TEAD1: variants seen among roughly 807,000 people sequenced by gnomAD.
TEAD1 encodes the protein TEA domain transcription factor 1.
In TEAD1, 9 loss-of-function variants were observed where a neutral mutation model predicts 54.9. That is an observed-to-expected ratio of 0.16 (90% CI 0.10 to 0.29). The LOEUF (loss-of-function observed/expected upper bound fraction) is 0.29. TEAD1 is among the 10% of genes least tolerant of loss of function. The probability of loss-of-function intolerance (pLI) is 1.00; values close to 1 mark genes in which losing one functional copy is unlikely to be tolerated. For missense variants in TEAD1, 387 were observed against 535.9 expected, an observed-to-expected ratio of 0.72 and a Z score of 2.74; for synonymous variants, 200 against 187.8, an observed-to-expected ratio of 1.07 and a Z score of -0.53.
chr11:12,786,456 C>T (rs941951888), intron 3 of TEAD1, among the ~76,000 whole-genome samples: 3 of 152,092 alleles, frequency 2.0e-5, no homozygotes, highest in African/African-American at 4.8e-5. Flanking sequence ...GTAGGATTGC[C>T]GGACCTGGCA....
At chr11:12,753,819 G>T (rs1280270765) in intron 2 of TEAD1, among the ~76,000 whole-genome samples, 2 of 152,132 alleles carry the variant, frequency 1.3e-5, no homozygotes, top group Non-Finnish European at 2.9e-5. Flanking sequence ...ACTACTTTAT[G>T]GCCATGTAGG....
chr11:12,876,407 A>G (rs1175767801), intron 5 of TEAD1, among the ~76,000 whole-genome samples: 1 of 152,124 alleles, frequency 6.6e-6, no homozygotes, highest in South Asian at 2.1e-4. Flanking sequence ...GAGTCACCCC[A>G]CCCAAGTGTG....
At position 12,939,511 on chromosome 11, in the gene TEAD1, C is replaced by T. The variant is rs1221397134; in HGVS notation, c.*2289C>T. ...CAGGAGGGCTCTTGGGATTTCCTTT[C>T]CAAAGCACAAAAATACTGGGACCCA... On this transcript the variant is annotated 3_prime_UTR_variant, in exon 13 of 13. Coordinates refer to ENST00000527636, the MANE Select transcript of TEAD1 (RefSeq NM_021961.6). 6.6e-6 allele frequency: 1 copy of T among 152,246 alleles called. No homozygotes were observed. Among genetic ancestry groups the T allele is most frequent in the African/African-American group, 2.4e-5 (1 of 41,434 alleles). The allele number at this position is 152,246 out of a possible 1,614,324, so 9.4% of individuals were successfully genotyped here.
intron 3 of TEAD1, among the ~76,000 whole-genome samples, chr11:12,802,575 G>A (rs1946081523): frequency 6.6e-6 from 1 of 152,302 alleles, no homozygotes; most frequent in South Asian, 2.1e-4. Context: ...GAGGGGCCTT[G>A]CTTCCTGTGA....
At chr11:12,684,285 A>G (rs1364064563) in intron 2 of TEAD1, among the ~76,000 whole-genome samples, 1 of 152,242 alleles carries the variant, frequency 6.6e-6, no homozygotes, top group African/African-American at 2.4e-5. Flanking sequence ...CCCAGTATGA[A>G]TTAAATGGAA....
intron 2 of TEAD1, among the ~76,000 whole-genome samples, chr11:12,707,435 A>G (rs1943842561): frequency 6.6e-6 from 1 of 152,212 alleles, no homozygotes; most frequent in African/African-American, 2.4e-5. Flanking sequence ...TAGTTTTCAC[A>G]AAGTCTGTGC....
chr11:12,856,830 G>A (rs1207425469), intron 3 of TEAD1, among the ~76,000 whole-genome samples: 1 of 152,056 alleles, frequency 6.6e-6, no homozygotes, highest in Non-Finnish European at 1.5e-5. Flanking sequence ...GTTTGCCTTA[G>A]GACTGGCCAC....
intron 5 of TEAD1, among the ~76,000 whole-genome samples, chr11:12,868,532 T>G (rs1466212265): frequency 2.0e-5 from 3 of 152,216 alleles, no homozygotes; most frequent in African/African-American, 7.2e-5. Context: ...CAAAAGTTAC[T>G]CTCCTGAAAA....
chr11:12,755,762 T>TTTGCTTTGGAA (rs1944972315), intron 2 of TEAD1, among the ~76,000 whole-genome samples: 1 of 152,220 alleles, frequency 6.6e-6, no homozygotes, highest in Non-Finnish European at 1.5e-5. Context: ...ATGCACTGTC[T>TTTGCTTTGGAA]TGGTATCAGG....
rs376806911 is a variant in TEAD1 at position 12,748,203 on chromosome 11, G to A, written c.-54-15976G>A. Among the ~76,000 whole-genome samples the A allele has an allele frequency of 2.0e-3, 306 of 152,082 alleles. 1 individual carries two copies. Among genetic ancestry groups the A allele is most frequent in the African/African-American group, 6.7e-3 (277 of 41,510 alleles). On this transcript the variant is annotated intron_variant, in intron 2 of 12. Transcript: ENST00000527636. ...TCTCAAACTCCTGACCTCAGGTGAT[G>A]CACCCGCCTCTGCCTCCCAAAGTGC...
intron 3 of TEAD1, among the ~76,000 whole-genome samples, chr11:12,833,084 G>A (rs1946815232): frequency 6.6e-6 from 1 of 152,226 alleles, no homozygotes; most frequent in South Asian, 2.1e-4. Context: ...GACATAGTTA[G>A]TTCTTGTTAA....
intron 3 of TEAD1, among the ~76,000 whole-genome samples, chr11:12,787,378 C>A (rs1024473777): frequency 2.0e-5 from 3 of 152,146 alleles, no homozygotes; most frequent in Admixed American, 6.5e-5. Flanking sequence ...TTGTATGATG[C>A]GCCTGGTTTA....
At chr11:12,711,255 A>G (rs1943932377) in intron 2 of TEAD1, among the ~76,000 whole-genome samples, 1 of 152,212 alleles carries the variant, frequency 6.6e-6, no homozygotes, top group Admixed American at 6.5e-5. Flanking sequence ...TGAAGAAATT[A>G]GAATGTGCAG....
chr11:12,912,889 A>C (rs1234844727), intron 10 of TEAD1, among the ~76,000 whole-genome samples: 2 of 152,006 alleles, frequency 1.3e-5, no homozygotes, highest in Non-Finnish European at 2.9e-5. Context: ...TGTCTCTGTG[A>C]TTGCTAAGAA....
At chr11:12,784,219 C>G (rs1200432639) in intron 3 of TEAD1, among the ~76,000 whole-genome samples, 2 of 152,142 alleles carry the variant, frequency 1.3e-5, no homozygotes, top group Non-Finnish European at 2.9e-5. Context: ...GATTTTTCAT[C>G]TGCATGGATG....
At position 12,738,580 on chromosome 11, in the gene TEAD1, A is replaced by G. The variant is rs138202978; in HGVS notation, c.-54-25599A>G. On this transcript the variant is annotated intron_variant, in intron 2 of 12. Transcript: ENST00000527636. ...ACTCTGTACATGTGTAGATTCTGCAAATCACCTTGTCCACATATAGGATCT... is the reference window on the plus strand; with the variant it reads ...ACTCTGTACATGTGTAGATTCTGCAGATCACCTTGTCCACATATAGGATCT... Among the ~76,000 whole-genome samples, 75 of 151,118 alleles carry G rather than the reference A, an allele frequency of 5.0e-4. No individual in the cohort carries two copies. The Middle Eastern group carries it at 0.014, about 28-fold the overall frequency.
chr11:12,689,132 C>T (rs1238203088), intron 2 of TEAD1, among the ~76,000 whole-genome samples: 1 of 152,002 alleles, frequency 6.6e-6, no homozygotes, highest in African/African-American at 2.4e-5. Flanking sequence ...GAAAACACAT[C>T]CACCCTTCCT....
At position 12,791,567 on chromosome 11, in the gene TEAD1, G is replaced by GT. The variant is rs527765040; in HGVS notation, c.202+27134dup. ...GATCAGTAGGCTTTTTTTCCTGGCT[G>GT]TAACTAGTGATGGGTTGCAGGTGGG... On this transcript the variant is annotated intron_variant, in intron 3 of 12. Coordinates refer to ENST00000527636, the MANE Select transcript of TEAD1 (RefSeq NM_021961.6). Among the ~76,000 whole-genome samples the GT allele has an allele frequency of 6.6e-5, 10 of 152,232 alleles. No homozygotes were observed. In the East Asian group the frequency reaches 1.9e-3, roughly 29 times the overall value.
At chr11:12,825,952 A>G (rs1163923220) in intron 3 of TEAD1, among the ~76,000 whole-genome samples, 1 of 152,224 alleles carries the variant, frequency 6.6e-6, no homozygotes, top group Non-Finnish European at 1.5e-5. Flanking sequence ...TAGTGCTAGG[A>G]CAATTGGATA....
Sources: gnomAD v4.1 joint callset for allele counts (sites outside exome capture counted in the v4.1 genomes callset) on GRCh38, gnomAD v4.1.1 for gene constraint, MANE v1.5 for transcripts, NCBI Gene and HGNC (gene_info 2026-07-23, HGNC 2026-07-21) for gene names.